The following SLC4A10 variants were observed in gnomAD, a reference collection of about 807,000 sequenced individuals.
The protein encoded by SLC4A10 is sodium-driven chloride bicarbonate exchanger.
In SLC4A10, 42 loss-of-function variants were observed where a neutral mutation model predicts 137.7. That is an observed-to-expected ratio of 0.30 (90% CI 0.24 to 0.39). SLC4A10 has a LOEUF of 0.39. Ranked by LOEUF, SLC4A10 falls within the 10% of genes least tolerant of loss-of-function variation. The pLI, the probability that SLC4A10 is intolerant of heterozygous loss-of-function variation, is 1.00. For missense variants in SLC4A10, 925 were observed against 1,355.0 expected (o/e 0.68, Z 4.98); for synonymous variants, 474 against 464.1 (o/e 1.02, Z -0.27).
intron 15 of SLC4A10, among the ~76,000 whole-genome samples, chr2:161,916,562 G>C (rs1687153996): frequency 6.6e-6 from 1 of 152,158 alleles, no homozygotes; most frequent in Non-Finnish European, 1.5e-5. Flanking sequence ...TGATGGCTTT[G>C]TGCCAAAGCC....
At chr2:161,945,636 G>A (rs1693662541) in intron 16 of SLC4A10, among the ~76,000 whole-genome samples, 1 of 151,686 alleles carries the variant, frequency 6.6e-6, no homozygotes, top group Non-Finnish European at 1.5e-5. Context: ...GCCTCTGTGT[G>A]TGTATTGGGG....
chr2:161,850,806 G>A (rs902075265), intron 4 of SLC4A10, among the ~76,000 whole-genome samples: 8 of 152,110 alleles, frequency 5.3e-5, no homozygotes, highest in Admixed American at 2.6e-4. Flanking sequence ...ATGTTAGGTT[G>A]TTAACTTAAG....
chr2:161,936,743 T>C (rs76188489), intron 15 of SLC4A10, among the ~76,000 whole-genome samples: 1 of 152,170 alleles, frequency 6.6e-6, no homozygotes, highest in Non-Finnish European at 1.5e-5. Context: ...TTAGTTGAGC[T>C]GTTCTATTGT....
At chr2:161,879,346 A>G (rs892746958) in intron 9 of SLC4A10, 58 bp downstream of exon 9, 21 of 1,473,910 alleles carry the variant, frequency 1.4e-5, no homozygotes, top group Non-Finnish European at 1.8e-5. Context: ...CATGGAAAGA[A>G]AATGAGGATT....
At chr2:161,678,794 G>A (rs1480787784) in intron 1 of SLC4A10, among the ~76,000 whole-genome samples, 1 of 151,964 alleles carries the variant, frequency 6.6e-6, no homozygotes, top group African/African-American at 2.4e-5. Context: ...GCATTGAGTG[G>A]TTTACTCTTT....
intron 1 of SLC4A10, among the ~76,000 whole-genome samples, chr2:161,711,908 A>G (rs1015571614): frequency 1.3e-5 from 2 of 151,882 alleles, no homozygotes; most frequent in Non-Finnish European, 2.9e-5. Context: ...TGAAACACTT[A>G]TAAGAGTACC....
chr2:161,758,532 T>C (rs1023636758), intron 1 of SLC4A10, among the ~76,000 whole-genome samples: 1 of 152,018 alleles, frequency 6.6e-6, no homozygotes, highest in Non-Finnish European at 1.5e-5. Context: ...ATCTTCATTT[T>C]GAAATTATTG....
At chr2:161,928,613 C>A (rs1575686956) in intron 15 of SLC4A10, among the ~76,000 whole-genome samples, 1 of 111,474 alleles carries the variant, frequency 9.0e-6, no homozygotes, top group Non-Finnish European at 1.9e-5. Flanking sequence ...CCCTCTCATT[C>A]AAGAGCAAAA....
At chr2:161,958,589 G>A in intron 21 of SLC4A10, 34 bp downstream of exon 21, 1 of 1,516,920 alleles carries the variant, frequency 6.6e-7, no homozygotes. Context: ...GCACATCTGT[G>A]ATGACTGACC....
intron 5 of SLC4A10, among the ~76,000 whole-genome samples, chr2:161,857,424 T>C (rs2060166219): frequency 6.6e-6 from 1 of 152,128 alleles, no homozygotes; most frequent in African/African-American, 2.4e-5. Context: ...ACATTTAGAA[T>C]GTGTCAGTGG....
chr2:161,958,461 C>A, intron 20 of SLC4A10, 26 bp from the exon 21 acceptor site: 4 of 1,583,932 alleles, frequency 2.5e-6, no homozygotes, highest in Non-Finnish European at 2.6e-6. Context: ...ATGATTTCTG[C>A]CTTTTCTCCA....
chr2:161,761,755 T>C (rs1390238816), intron 1 of SLC4A10, among the ~76,000 whole-genome samples: 1 of 152,128 alleles, frequency 6.6e-6, no homozygotes, highest in African/African-American at 2.4e-5. Context: ...TATGTTGTGA[T>C]GGACTTAATC....
chr2:161,688,912 CT>C (rs2041705037), intron 1 of SLC4A10, among the ~76,000 whole-genome samples: 1 of 152,006 alleles, frequency 6.6e-6, no homozygotes, highest in Non-Finnish European at 1.5e-5. Flanking sequence ...TTAATGGTGT[CT>C]TGGTGATCCT....
chr2:161,854,654 A>G (rs1295836125), intron 4 of SLC4A10, among the ~76,000 whole-genome samples: 2 of 152,190 alleles, frequency 1.3e-5, no homozygotes, highest in Non-Finnish European at 2.9e-5. Context: ...TACACTCTTT[A>G]TTAGTGCTAC....
At chr2:161,654,422 C>T (rs951472279) in intron 1 of SLC4A10, among the ~76,000 whole-genome samples, 3 of 151,954 alleles carry the variant, frequency 2.0e-5, no homozygotes, top group African/African-American at 7.3e-5. Flanking sequence ...CTTTTGTTGC[C>T]TGTGCTTTTG....
intron 25 of SLC4A10, chr2:161,977,248 GTATTTTATATTTA>G: frequency 5.9e-6 from 2 of 341,338 alleles, no homozygotes; most frequent in South Asian, 5.4e-5. Context: ...TGCACTGTGT[GTATTTTATATTTA>G]TATTTTATAA....
At chr2:161,938,520 TTATTATCGATAATAATC>T (rs922984822) in intron 15 of SLC4A10, among the ~76,000 whole-genome samples, 4 of 151,156 alleles carry the variant, frequency 2.6e-5, no homozygotes, top group Admixed American at 6.6e-5. Context: ...AGATTATACA[TTATTATCGATAATAATC>T]TATTATCGAT....
intron 1 of SLC4A10, among the ~76,000 whole-genome samples, chr2:161,769,979 T>G (rs2051372426): frequency 6.6e-6 from 1 of 151,936 alleles, no homozygotes; most frequent in Non-Finnish European, 1.5e-5. Flanking sequence ...ACATTTTAAA[T>G]TTAATTTTTT....
intron 1 of SLC4A10, among the ~76,000 whole-genome samples, chr2:161,688,042 T>G (rs1015330276): frequency 6.6e-6 from 1 of 152,240 alleles, no homozygotes; most frequent in South Asian, 2.1e-4. Flanking sequence ...AAAGTAATTA[T>G]TTTTTATTGC....
Sources: gnomAD v4.1 joint callset for allele counts (sites outside exome capture counted in the v4.1 genomes callset) on GRCh38, gnomAD v4.1.1 for gene constraint, MANE v1.5 for transcripts, NCBI Gene and HGNC (gene_info 2026-07-23, HGNC 2026-07-21) for gene names.